Variants in VPS13B observed in about 807,000 individuals in gnomAD.
VPS13B encodes intermembrane lipid transfer protein VPS13B.
Under a neutral mutation model 426.4 loss-of-function variants are expected in VPS13B, and 285 were observed. That is an observed-to-expected ratio of 0.67 (90% CI 0.61 to 0.74). The LOEUF (loss-of-function observed/expected upper bound fraction) is 0.74. Ranked by LOEUF, VPS13B falls within the 30% of genes least tolerant of loss-of-function variation. The probability of loss-of-function intolerance (pLI) is 0.00; values close to 1 mark genes in which losing one functional copy is unlikely to be tolerated. For synonymous variants in VPS13B, 1,676 were observed against 1,676.4 expected (o/e 1.00, Z 0.01); for missense variants, 4,537 against 4,782.6 (o/e 0.95, Z 1.51).
chr8:99,403,618 T>C (rs934282296), intron 21 of VPS13B, among the ~76,000 whole-genome samples: 1 of 152,096 alleles, frequency 6.6e-6, no homozygotes, highest in Non-Finnish European at 1.5e-5. Context: ...TGCCGACCTC[T>C]TGGACAGTCA....
At chr8:99,354,389 TG>T (rs1158014620) in intron 19 of VPS13B, among the ~76,000 whole-genome samples, 8 of 149,698 alleles carry the variant, frequency 5.3e-5, no homozygotes, top group Non-Finnish European at 3.0e-5. Context: ...AACTAAAATT[TG>T]CTGTTTCATC....
chr8:99,295,521 C>CATCAA (rs1819984687), intron 19 of VPS13B, among the ~76,000 whole-genome samples: 1 of 152,176 alleles, frequency 6.6e-6, no homozygotes, highest in Admixed American at 6.6e-5. Flanking sequence ...GTATTTGATA[C>CATCAA]ATCTAACCTA....
In VPS13B at chr8:99,681,124, T is replaced by A. The variant is rs1831138400; in HGVS notation, c.6047-18401T>A. 2.0e-5 allele frequency among the ~76,000 whole-genome samples: 3 copies of A among 152,186 alleles called. No homozygotes were observed. The South Asian group carries it at 6.2e-4, about 31-fold the overall frequency. ...ATTTTCTACCAAAAAACTGGCTAGA[T>A]CAAGGATGTGAAAGTTCAGAGAAAC... On this transcript the variant is annotated intron_variant, in intron 35 of 61. Coordinates refer to ENST00000357162, the MANE Select transcript of VPS13B (RefSeq NM_152564.5).
intron 33 of VPS13B, among the ~76,000 whole-genome samples, chr8:99,617,058 G>A (rs771785219): frequency 1.6e-4 from 25 of 152,286 alleles, no homozygotes; most frequent in Non-Finnish European, 3.2e-4. Context: ...CATATTACAT[G>A]AAGGCAGATT....
chr8:99,619,232 T>C (rs998501851), intron 33 of VPS13B, among the ~76,000 whole-genome samples: 4 of 152,188 alleles, frequency 2.6e-5, no homozygotes, highest in African/African-American at 9.6e-5. Flanking sequence ...CTTGAGTTTC[T>C]GAACCAAAGG....
intron 3 of VPS13B, among the ~76,000 whole-genome samples, chr8:99,080,701 C>T (rs1031610856): frequency 2.0e-5 from 3 of 152,106 alleles, no homozygotes; most frequent in African/African-American, 7.2e-5. Flanking sequence ...TCTGAGAATC[C>T]TAAACACAAT....
At chr8:99,187,107 A>T (rs1813262276) in intron 16 of VPS13B, among the ~76,000 whole-genome samples, 1 of 152,196 alleles carries the variant, frequency 6.6e-6, no homozygotes, top group Non-Finnish European at 1.5e-5. Context: ...CCTAATTGCC[A>T]CAGAGTGCCT....
At chr8:99,250,374 C>A (rs1050857968) in intron 17 of VPS13B, among the ~76,000 whole-genome samples, 1 of 151,992 alleles carries the variant, frequency 6.6e-6, no homozygotes, top group African/African-American at 2.4e-5. Context: ...TTTGATGAGG[C>A]CAATTTTTTT....
At chr8:99,085,304 TG>T (rs1306274566) in intron 3 of VPS13B, among the ~76,000 whole-genome samples, 1 of 152,178 alleles carries the variant, frequency 6.6e-6, no homozygotes, top group East Asian at 1.9e-4. Context: ...TCCATTTGCT[TG>T]GTAGATCTTC....
chr8:99,792,035 C>T (rs919952803), intron 43 of VPS13B, among the ~76,000 whole-genome samples: 2 of 152,080 alleles, frequency 1.3e-5, no homozygotes, highest in African/African-American at 2.4e-5. Context: ...GACTGCTGAA[C>T]CACACACATG....
intron 44 of VPS13B, among the ~76,000 whole-genome samples, chr8:99,816,171 C>T (rs1390815920): frequency 6.7e-6 from 1 of 150,264 alleles, no homozygotes; most frequent in Non-Finnish European, 1.5e-5. Flanking sequence ...GGTGTGATCT[C>T]GGCTCACCGC....
chr8:99,874,029 A>T (rs950714410), intron 61 of VPS13B, among the ~76,000 whole-genome samples: 2 of 152,164 alleles, frequency 1.3e-5, no homozygotes, highest in Non-Finnish European at 2.9e-5. Flanking sequence ...CAGGATTGAG[A>T]TTTATTTTTT....
intron 19 of VPS13B, among the ~76,000 whole-genome samples, chr8:99,328,943 A>G (rs1328281203): frequency 2.6e-5 from 4 of 152,096 alleles, no homozygotes; most frequent in African/African-American, 9.7e-5. Flanking sequence ...TCCACAATGC[A>G]TTCTGTTTGT....
At chr8:99,311,046 T>G (rs1187886367) in intron 19 of VPS13B, among the ~76,000 whole-genome samples, 1 of 152,224 alleles carries the variant, frequency 6.6e-6, no homozygotes, top group Non-Finnish European at 1.5e-5. Flanking sequence ...TTGTGTCTAT[T>G]TGATTCTTCT....
intron 2 of VPS13B, among the ~76,000 whole-genome samples, chr8:99,021,493 C>T (rs529528599): frequency 4.6e-5 from 7 of 151,796 alleles, no homozygotes; most frequent in Non-Finnish European, 1.0e-4. Flanking sequence ...TGGTGGCGGG[C>T]GCCTGTAATC....
intron 21 of VPS13B, among the ~76,000 whole-genome samples, chr8:99,418,071 T>G (rs1165205386): frequency 1.3e-5 from 2 of 152,148 alleles, no homozygotes; most frequent in Non-Finnish European, 2.9e-5. Context: ...TTTTTGATTT[T>G]TTGTTTCTAT....
intron 16 of VPS13B, among the ~76,000 whole-genome samples, chr8:99,191,207 A>G (rs1813558240): frequency 6.6e-6 from 1 of 151,508 alleles, no homozygotes; most frequent in South Asian, 2.1e-4. Context: ...TCTCCTTAAC[A>G]CTAGTTTTCA....
intron 19 of VPS13B, among the ~76,000 whole-genome samples, chr8:99,368,924 C>T (rs761796657): frequency 3.9e-5 from 6 of 152,198 alleles, no homozygotes; most frequent in Non-Finnish European, 8.8e-5. Flanking sequence ...TGTTCCTGAA[C>T]GTATCATACT....
chr8:99,871,742 G>A (rs1448607357), intron 61 of VPS13B, 45 bp downstream of exon 61: 2 of 1,611,234 alleles, frequency 1.2e-6, no homozygotes, highest in Non-Finnish European at 8.5e-7. Flanking sequence ...TGGCCAGGGA[G>A]GTTGAGGAGC....
Sources: gnomAD v4.1 joint callset for allele counts (sites outside exome capture counted in the v4.1 genomes callset) on GRCh38, gnomAD v4.1.1 for gene constraint, MANE v1.5 for transcripts, NCBI Gene and HGNC (gene_info 2026-07-23, HGNC 2026-07-21) for gene names.